The following LBP variants were observed in gnomAD, a reference collection of about 807,000 sequenced individuals.
LBP encodes the protein lipopolysaccharide-binding protein.
In LBP, 53 loss-of-function variants were observed where a neutral mutation model predicts 56.6. The observed-to-expected ratio is 0.94, with a 90% CI of 0.75 to 1.18. The LOEUF is 1.18. LBP is among the 50% of genes most tolerant of loss of function. The pLI is 0.00. For synonymous variants in LBP, 227 were observed against 247.5 expected, an observed-to-expected ratio of 0.92 and a Z score of 0.78; for missense variants, 601 against 598.3, an observed-to-expected ratio of 1.00 and a Z score of -0.05.
intron 9 of LBP, among the ~76,000 whole-genome samples, chr20:38,367,962 TG>T (rs928558705): frequency 2.0e-5 from 3 of 151,390 alleles, no homozygotes; most frequent in Non-Finnish European, 2.9e-5. Flanking sequence ...GAGGCCAAAG[TG>T]GGGGGGTAGC....
chr20:38,372,020 C>T (rs375283594), intron 12 of LBP, among the ~76,000 whole-genome samples: 66 of 152,256 alleles, frequency 4.3e-4, no homozygotes, highest in East Asian at 1.2e-3. Context: ...AAATAGACTC[C>T]GTTATCAAAA....
chr20:38,368,705 G>T (rs6099309), intron 9 of LBP, among the ~76,000 whole-genome samples: 22,560 of 152,164 alleles, frequency 0.15, 2,136 homozygotes, highest in African/African-American at 0.28. Context: ...ACAGGAGGTG[G>T]TCATTATAAT....
chr20:38,369,383 G>A (rs572366700), intron 10 of LBP, among the ~76,000 whole-genome samples: 1 of 152,154 alleles, frequency 6.6e-6, no homozygotes, highest in African/African-American at 2.4e-5. Context: ...TCTTCTCAGC[G>A]TTTACTACAA....
intron 14 of LBP, among the ~76,000 whole-genome samples, chr20:38,375,275 T>A (rs1028313398): frequency 3.2e-4 from 49 of 152,002 alleles, no homozygotes; most frequent in African/African-American, 1.0e-3. Context: ...CCTTTTTTTT[T>A]AAAACTTAAA....
At chr20:38,366,643 C>T in intron 8 of LBP, 126 bp from the exon 9 acceptor site, 1 of 877,914 alleles carries the variant, frequency 1.1e-6, no homozygotes, top group South Asian at 1.4e-5. Context: ...GCATCTCCTC[C>T]CTGCCAGGGT....
At chr20:38,356,899 A>C (rs2076843102) in intron 5 of LBP, among the ~76,000 whole-genome samples, 1 of 151,930 alleles carries the variant, frequency 6.6e-6, no homozygotes, top group South Asian at 2.1e-4. Flanking sequence ...TCTGTCGCCC[A>C]GGCTGGAGTG....
rs1335652431 is a variant in LBP, at chr20:38,373,111, A to G, written c.1300A>G (p.Asn434Asp). Residue 434 changes from asparagine (N) to aspartate (D), a missense_variant, in exon 13 of 15, where the codon AAC (asparagine) becomes GAC (aspartate). By Grantham distance (23) the Asn-to-Asp change is conservative. Coordinates refer to ENST00000217407, the MANE Select transcript of LBP (RefSeq NM_004139.5). ...LEALLNYYILNTFYPKFNDKL... is the reference protein window; with the variant it reads ...LEALLNYYILDTFYPKFNDKL... ...AGCGCTCCTCAACTATTACATCCTT[A>G]ACACCTTCTACCCCAAGTTCAATGG... 1.2e-6 allele frequency: 2 copies of G among 1,613,964 alleles called. No homozygotes were observed. Among genetic ancestry groups the G allele is most frequent in the South Asian group, 1.1e-5 (1 of 91,076 alleles).
At chr20:38,364,417 G>T (rs2076873282) in intron 7 of LBP, among the ~76,000 whole-genome samples, 159 bp from the exon 8 acceptor site, 1 of 152,150 alleles carries the variant, frequency 6.6e-6, no homozygotes, top group African/African-American at 2.4e-5. Flanking sequence ...CAAAGCTTCT[G>T]GTGAGCTTTT....
Position 38,365,708 on chromosome 20 carries a change from AAAAAAAAAAATAT to A in LBP, c.921+958_921+970del, listed in dbSNP as rs1164004066. ...TGAGACTGCATCTCAAAAAAAAAAAAAAAAAAAAAATATATATATATATATATATATATATATT... is the reference window on the plus strand; with the variant it reads ...TGAGACTGCATCTCAAAAAAAAAAAAATATATATATATATATATATATATT... On this transcript the variant is annotated intron_variant, in intron 8 of 14. Transcript: ENST00000217407. Among the ~76,000 whole-genome samples, 257 of 66,326 alleles carry A rather than the reference AAAAAAAAAAATAT, an allele frequency of 3.9e-3. 2 individuals carry two copies. Among genetic ancestry groups the A allele is most frequent in the Middle Eastern group, 7.0e-3 (1 of 142 alleles). 43.5% of individuals were successfully genotyped at this position (66,326 alleles called of 152,430 possible).
intron 1 of LBP, among the ~76,000 whole-genome samples, chr20:38,347,140 A>G (rs2076803909): frequency 6.6e-6 from 1 of 152,244 alleles, no homozygotes; most frequent in Non-Finnish European, 1.5e-5. Context: ...AAGTTGCCAT[A>G]TCTTGATCCA....
At position 38,371,208 on chromosome 20, in the gene LBP, C is replaced by A. The variant is rs1292506688; in HGVS notation, c.1218-72C>A. On this transcript the variant is annotated intron_variant, in intron 11 of 14. Transcript: ENST00000217407. ...GCCTTCTCAAGCCCATCCTTTCTCG[C>A]TTCTGGGGACCCCCGCATTGCTTAA... 2.3e-6 allele frequency: 3 copies of A among 1,305,310 alleles called. No individual in the cohort carries two copies. The Admixed American group carries it at 5.5e-5, about 24-fold the overall frequency. The allele number at this position is 1,305,310 out of a possible 1,614,324, so 80.9% of individuals were successfully genotyped here.
chr20:38,375,484 G>A (rs1301076226), intron 14 of LBP, among the ~76,000 whole-genome samples: 1 of 152,026 alleles, frequency 6.6e-6, no homozygotes, highest in Non-Finnish European at 1.5e-5. Flanking sequence ...AGGAGGCTGA[G>A]GCAGGAGAAT....
rs182777954 is a variant in LBP at position 38,349,823 on chromosome 20, G to A, written c.239+161G>A. Among the ~76,000 whole-genome samples the A allele has an allele frequency of 1.3e-3, 197 of 152,246 alleles. 1 individual carries two copies. In the Middle Eastern group the frequency reaches 0.014, roughly 11 times the overall value. ...TGAAGAGCTCAGAAGGAAATTCTGG[G>A]AAGGAATTGAGCTCCTCCACTCAGT... On this transcript the variant is annotated intron_variant, in intron 2 of 14. Transcript: ENST00000217407.
chr20:38,372,697 T>C (rs5744217), intron 12 of LBP, among the ~76,000 whole-genome samples: 6,566 of 152,190 alleles, frequency 0.043, 213 homozygotes, highest in South Asian at 0.13. Context: ...GCTTGGCATA[T>C]AGTGGGGGTT....
intron 1 of LBP, among the ~76,000 whole-genome samples, chr20:38,349,106 G>C (rs1315217330): frequency 1.3e-5 from 2 of 152,152 alleles, no homozygotes; most frequent in East Asian, 3.9e-4. Context: ...ATGTATTGTT[G>C]TCATTGCTAT....
intron 3 of LBP, among the ~76,000 whole-genome samples, chr20:38,353,067 C>T (rs1345522817): frequency 6.6e-6 from 1 of 152,130 alleles, no homozygotes; most frequent in South Asian, 2.1e-4. Context: ...CACTCTCTTA[C>T]CCTGGCTTTT....
Position 38,370,887 on chromosome 20 carries a change from A to G in LBP, c.1217+82A>G, listed in dbSNP as rs186749932. The G allele has an allele frequency of 4.8e-5, 55 of 1,143,858 alleles. No homozygotes were observed. The East Asian group carries it at 1.2e-3, about 26-fold the overall frequency. 70.9% of individuals were successfully genotyped at this position (1,143,858 alleles called of 1,614,324 possible). The stretch of plus-strand genomic sequence containing the variant: ...TAGCTGCTTCTCTGTAGCTGGTGGG[A>G]GGGGGGGCCACCATTTGGAAAGGAC... On this transcript the variant is annotated intron_variant, in intron 11 of 14. Coordinates refer to ENST00000217407, the MANE Select transcript of LBP (RefSeq NM_004139.5).
At chr20:38,356,332 C>T (rs1200099635) in intron 5 of LBP, among the ~76,000 whole-genome samples, 1 of 133,348 alleles carries the variant, frequency 7.5e-6, no homozygotes, top group Non-Finnish European at 1.6e-5. Context: ...CACAGACCAC[C>T]CACACCCCCT....
intron 7 of LBP, among the ~76,000 whole-genome samples, 157 bp downstream of exon 7, chr20:38,364,223 C>A (rs2076872479): frequency 6.6e-6 from 1 of 152,146 alleles, no homozygotes; most frequent in Non-Finnish European, 1.5e-5. Context: ...GGGAGTGTTT[C>A]CAGAGCTAGG....
Sources: allele counts gnomAD v4.1 joint callset (sites outside exome capture counted in the v4.1 genomes callset), GRCh38; gene constraint gnomAD v4.1.1; transcripts MANE v1.5; gene names NCBI Gene and HGNC (gene_info 2026-07-23, HGNC 2026-07-21).